TIMD4: variants seen among roughly 807,000 people sequenced by gnomAD.
The protein encoded by TIMD4 is T-cell immunoglobulin and mucin domain-containing protein 4.
TIMD4 carries 31 observed loss-of-function variants against 41.2 expected under a neutral mutation model. That is an observed-to-expected ratio of 0.75 (90% CI 0.57 to 1.01). The LOEUF (loss-of-function observed/expected upper bound fraction) is 1.01, where lower values mean the gene tolerates loss of function less well. Ranked by LOEUF, TIMD4 falls within the 50% of genes least tolerant of loss-of-function variation. The probability of loss-of-function intolerance (pLI) is 0.00; values close to 1 mark genes in which losing one functional copy is unlikely to be tolerated. For missense variants in TIMD4, 479 were observed against 472.5 expected, an observed-to-expected ratio of 1.01 and a Z score of -0.13; for synonymous variants, 204 against 177.1, an observed-to-expected ratio of 1.15 and a Z score of -1.21.
chr5:156,924,714 AAAATTTCAT>A, intron 6 of TIMD4: 1 of 173,278 alleles, frequency 5.8e-6, no homozygotes. Flanking sequence ...AAATAAATAG[AAAATTTCAT>A]GCTCTACACA....
intron 5 of TIMD4, among the ~76,000 whole-genome samples, chr5:156,930,058 C>A (rs1182921353): frequency 6.6e-6 from 1 of 152,298 alleles, no homozygotes; most frequent in Middle Eastern, 3.4e-3. Flanking sequence ...GCAACCTCCG[C>A]CTACCAGGTT....
chr5:156,931,779 G>T (rs965613454), intron 5 of TIMD4, among the ~76,000 whole-genome samples: 4 of 152,140 alleles, frequency 2.6e-5, no homozygotes, highest in African/African-American at 9.7e-5. Context: ...CCTCACTGTG[G>T]CATCCTGGGA....
At chr5:156,957,090 C>T (rs6862731) in intron 1 of TIMD4, among the ~76,000 whole-genome samples, 178 of 151,432 alleles carry the variant, frequency 1.2e-3, no homozygotes, top group African/African-American at 4.0e-3. Context: ...AGCACAGTGG[C>T]GCGATCTCAG....
Position 156,951,906 on chromosome 5 carries a change from G to A in TIMD4, c.401-116C>T, listed in dbSNP as rs1339421258. 8.5e-6 allele frequency: 12 copies of A among 1,405,854 alleles called. No individual in the cohort carries two copies. In the East Asian group the frequency reaches 1.8e-4, roughly 21 times the overall value. 87.1% of individuals were successfully genotyped at this position (1,405,854 alleles called of 1,614,324 possible). A position where few individuals can be genotyped will look rare whatever the true frequency, so the allele number is the denominator to read the frequency against. On this transcript the variant is annotated intron_variant, in intron 2 of 8. Transcript: ENST00000274532. The stretch of plus-strand genomic sequence containing the variant: ...TGTCCTCACCTGGTCCACTGGCCTG[G>A]ACGATTGTAATGCCCAATAAAATTG...
At chr5:156,919,889 G>A (rs959148258) in intron 8 of TIMD4, among the ~76,000 whole-genome samples, 1 of 152,146 alleles carries the variant, frequency 6.6e-6, no homozygotes, top group Non-Finnish European at 1.5e-5. Context: ...CAACTAATTA[G>A]TGAATGCAAT....
intron 5 of TIMD4, among the ~76,000 whole-genome samples, chr5:156,930,001 C>T (rs1581612437): frequency 1.3e-5 from 2 of 152,152 alleles, no homozygotes; most frequent in Non-Finnish European, 1.5e-5. Context: ...GACAGAGTCT[C>T]GCTCGGTCAC....
intron 2 of TIMD4, 45 bp downstream of exon 2, chr5:156,954,370 A>G (rs776616868): frequency 6.4e-6 from 10 of 1,561,266 alleles, no homozygotes; most frequent in Non-Finnish European, 8.7e-7. Flanking sequence ...TCCATTAACC[A>G]CTGAATCTCT....
intron 1 of TIMD4, among the ~76,000 whole-genome samples, chr5:156,962,906 C>T (rs1323819963): frequency 6.6e-6 from 1 of 152,072 alleles, no homozygotes; most frequent in Admixed American, 6.6e-5. Flanking sequence ...TTGCTGTTTC[C>T]AATATAAGCC....
intron 6 of TIMD4, among the ~76,000 whole-genome samples, chr5:156,923,115 C>T (rs1366845877): frequency 6.7e-6 from 1 of 149,512 alleles, no homozygotes; most frequent in Non-Finnish European, 1.5e-5. Flanking sequence ...CCAGGCTGGG[C>T]TCAAGCTCCT....
rs781456701 is a variant in TIMD4, at chr5:156,954,679, A to T, written c.136T>A (p.Ser46Thr). The T allele has an allele frequency of 4.5e-5, 73 of 1,614,198 alleles. No individual in the cohort carries two copies. In the East Asian group the frequency reaches 1.5e-3, roughly 34 times the overall value. ...VTLPCLYSSWSHNSNSMCWGK... is the reference protein window; with the variant it reads ...VTLPCLYSSWTHNSNSMCWGK... ...CAGCACATGCTGTTGCTGTTGTGAG[A>T]CCAGGATGAGTACAGACAGGGCAAA... The change falls in exon 2 of 9, where the codon TCT (serine) becomes ACT (threonine). Residue 46 changes from serine (S) to threonine (T), a missense_variant. Ser to Thr is a moderately conservative substitution (Grantham distance 58). Transcript: ENST00000274532.
At chr5:156,940,754 C>T (rs939156922) in intron 5 of TIMD4, among the ~76,000 whole-genome samples, 4 of 152,244 alleles carry the variant, frequency 2.6e-5, no homozygotes, top group Non-Finnish European at 5.9e-5. Flanking sequence ...AGTCTCCACC[C>T]GGCTGCCCCA....
At chr5:156,961,808 CAAAAAAA>C (rs71578911) in intron 1 of TIMD4, among the ~76,000 whole-genome samples, 124 of 27,964 alleles carry the variant, frequency 4.4e-3, no homozygotes, top group Non-Finnish European at 8.8e-3. Context: ...GACTCCGTCT[CAAAAAAA>C]AAAAAAAAAA....
intron 4 of TIMD4, among the ~76,000 whole-genome samples, chr5:156,949,117 G>T (rs965547182): frequency 3.9e-5 from 6 of 152,170 alleles, no homozygotes; most frequent in Admixed American, 2.0e-4. Context: ...GATGCCAATC[G>T]TGTCTTATTT....
intron 2 of TIMD4, among the ~76,000 whole-genome samples, chr5:156,953,533 T>G (rs1429518322): frequency 6.6e-6 from 1 of 150,912 alleles, no homozygotes; most frequent in Non-Finnish European, 1.5e-5. Context: ...CAGGCACCTG[T>G]AATCCCAGCT....
rs543534087 is a variant in TIMD4, at chr5:156,937,050, A to G, written c.845-10738T>C. On this transcript the variant is annotated intron_variant, in intron 5 of 8. Coordinates refer to ENST00000274532, the MANE Select transcript of TIMD4 (RefSeq NM_138379.3). ...ATCGATGATTATTATTGTGAGTACA[A>G]TGTAAGCATCTGAAAGTGCACAAAG... Among the ~76,000 whole-genome samples the G allele has an allele frequency of 1.1e-4, 16 of 152,276 alleles. No individual in the cohort carries two copies. In the East Asian group the frequency reaches 2.9e-3, roughly 28 times the overall value.
chr5:156,952,148 G>T (rs1401260539), intron 2 of TIMD4, among the ~76,000 whole-genome samples: 1 of 151,934 alleles, frequency 6.6e-6, no homozygotes, highest in Non-Finnish European at 1.5e-5. Context: ...AAATTAGCTG[G>T]GCCTGGTGGT....
chr5:156,928,239 A>G (rs1759383532), intron 5 of TIMD4, among the ~76,000 whole-genome samples: 1 of 152,124 alleles, frequency 6.6e-6, no homozygotes, highest in Non-Finnish European at 1.5e-5. Flanking sequence ...GGGAGATTGC[A>G]GTGAGCCGAG....
intron 5 of TIMD4, among the ~76,000 whole-genome samples, chr5:156,930,590 A>G (rs1296476972): frequency 7.2e-5 from 11 of 152,214 alleles, no homozygotes; most frequent in African/African-American, 2.7e-4. Context: ...ACTCACCATG[A>G]GTGTAGCAGG....
At chr5:156,949,090 T>C (rs1759801647) in intron 4 of TIMD4, among the ~76,000 whole-genome samples, 1 of 152,144 alleles carries the variant, frequency 6.6e-6, no homozygotes, top group Non-Finnish European at 1.5e-5. Flanking sequence ...AGTGCTCCTC[T>C]CTAGCACCCC....
Sources: allele counts gnomAD v4.1 joint callset (sites outside exome capture counted in the v4.1 genomes callset), GRCh38; gene constraint gnomAD v4.1.1; transcripts MANE v1.5; gene names NCBI Gene and HGNC (gene_info 2026-07-23, HGNC 2026-07-21).